Variants in KATNIP observed in about 807,000 individuals in gnomAD.
KATNIP encodes the protein katanin-interacting protein.
In KATNIP, 126 loss-of-function variants were observed where a neutral mutation model predicts 174.0. The ratio of observed to expected loss-of-function variants is 0.72; its 90% CI spans 0.63 to 0.84. The LOEUF (loss-of-function observed/expected upper bound fraction) is 0.84, where lower values mean the gene tolerates loss of function less well. KATNIP is among the 40% of genes least tolerant of loss of function. The pLI is 0.00. For synonymous variants in KATNIP, 810 were observed against 835.7 expected (o/e 0.97, Z 0.53); for missense variants, 1,958 against 2,109.7 (o/e 0.93, Z 1.41).
chr16:27,647,493 C>T (rs778477498), intron 5 of KATNIP, among the ~76,000 whole-genome samples: 2 of 146,186 alleles, frequency 1.4e-5, no homozygotes, highest in Non-Finnish European at 3.0e-5. Flanking sequence ...AGGCACACAC[C>T]ACCACACCTG....
At position 27,637,870 on chromosome 16, in the gene KATNIP, G is replaced by A. The variant is rs1021964074; in HGVS notation, c.408+6708G>A. Among the ~76,000 whole-genome samples, 1 of 152,136 alleles carries A rather than the reference G, an allele frequency of 6.6e-6. No individual in the cohort carries two copies. The highest frequency in any genetic ancestry group is 1.5e-5 in the Non-Finnish European group (1 of 68,012). ...TGGGTTCATGTGTGCAGAAAGGACC[G>A]CCCATGGGAGCAAGGGGCTACAGGA... On this transcript the variant is annotated intron_variant, in intron 5 of 27. Transcript: ENST00000261588. This position sits in a 1 kb window ranked among gnomAD's most constrained non-coding sequence, Gnocchi z 4.7.
rs150197704 is a variant in KATNIP at position 27,776,995 on chromosome 16, C to G, written c.4517C>G (p.Ala1506Gly). The G allele has an allele frequency of 6.2e-7, 1 of 1,613,424 alleles. No individual in the cohort carries two copies. The highest frequency in any genetic ancestry group is 1.7e-5 in the Admixed American group (1 of 60,026). Residue 1506 changes from alanine to glycine, a missense_variant, in exon 25 of 28, where the codon GCG becomes GGG. Physicochemically the swap from Ala to Gly is moderately conservative, Grantham distance 60. Coordinates refer to ENST00000261588, the MANE Select transcript of KATNIP (RefSeq NM_015202.5). The surrounding 1 kb of genome is among the most constrained non-coding windows in gnomAD (Gnocchi z 4.7). Reference sequence around the variant, plus strand: ...TCAATGATCAAACTGTGGAATTATGCGAAAACACCCCATCGAGGGGTGAAG... The same window carrying G: ...TCAATGATCAAACTGTGGAATTATGGGAAAACACCCCATCGAGGGGTGAAG... Reference protein sequence around the residue: ...TVSMIKLWNYAKTPHRGVKEF... With the variant: ...TVSMIKLWNYGKTPHRGVKEF...
rs1597445142 is a variant in KATNIP at position 27,779,772 on chromosome 16, A to T, written c.*1143A>T. ...TGTAACAAGCTCGGATCAGGGACCTAATTGGTTTCCCAGTAGTGGGTAATT... is the reference window on the plus strand; with the variant it reads ...TGTAACAAGCTCGGATCAGGGACCTTATTGGTTTCCCAGTAGTGGGTAATT... On this transcript the variant is annotated 3_prime_UTR_variant, in exon 28 of 28. Coordinates refer to ENST00000261588, the MANE Select transcript of KATNIP (RefSeq NM_015202.5). The T allele has an allele frequency of 6.6e-6, 1 of 152,068 alleles. No individual in the cohort carries two copies. Among genetic ancestry groups the T allele is most frequent in the East Asian group, 1.9e-4 (1 of 5,184 alleles). The allele number at this position is 152,068 out of a possible 1,614,324, so 9.4% of individuals were successfully genotyped here. A position where few individuals can be genotyped will look rare whatever the true frequency, so the allele number is the denominator to read the frequency against.
At chr16:27,712,613 C>T (rs993116552) in intron 13 of KATNIP, among the ~76,000 whole-genome samples, 1 of 152,044 alleles carries the variant, frequency 6.6e-6, no homozygotes, top group Non-Finnish European at 1.5e-5. Context: ...TGTGGGAGTG[C>T]CCCAGCCTCT....
chr16:27,677,598 C>A, intron 6 of KATNIP, 131 bp from the exon 7 acceptor site: 2 of 955,210 alleles, frequency 2.1e-6, no homozygotes, highest in Non-Finnish European at 3.0e-6. Context: ...AGTGACATCA[C>A]AAGGGTTGAG....
intron 13 of KATNIP, 73 bp from the exon 14 acceptor site, chr16:27,721,485 G>A: frequency 1.3e-6 from 2 of 1,584,434 alleles, no homozygotes; most frequent in Non-Finnish European, 1.7e-6. Flanking sequence ...GTGAGCCAAA[G>A]AGCCGCTGCC....
chr16:27,627,223 A>C (rs1048406388), intron 3 of KATNIP, among the ~76,000 whole-genome samples: 1 of 152,234 alleles, frequency 6.6e-6, no homozygotes, highest in African/African-American at 2.4e-5. Context: ...CTCATACTAT[A>C]AACAAGTGTC....
intron 5 of KATNIP, among the ~76,000 whole-genome samples, chr16:27,645,242 C>CCAAA (rs1307672985): frequency 1.3e-5 from 2 of 152,180 alleles, no homozygotes; most frequent in African/African-American, 4.8e-5. Flanking sequence ...GTGCTGTGTG[C>CCAAA]CAAAGCCCCA....
At position 27,628,589 on chromosome 16, in the gene KATNIP, C is replaced by T. The variant is rs2076396951; in HGVS notation, c.141-72C>T. On this transcript the variant is annotated intron_variant, in intron 3 of 27. Transcript: ENST00000261588. ...GCTTCACTGTGGGAACAGCAGTTCA[C>T]TCCTGGCTTGGGGGTACAGCAGCCC... The T allele has an allele frequency of 7.3e-6, 11 of 1,515,722 alleles. No homozygotes were observed. The South Asian group carries it at 1.2e-4, about 17-fold the overall frequency. 93.9% of individuals were successfully genotyped at this position (1,515,722 alleles called of 1,614,324 possible).
intron 8 of KATNIP, among the ~76,000 whole-genome samples, chr16:27,686,073 T>C (rs931082239): frequency 4.0e-5 from 6 of 151,826 alleles, no homozygotes; most frequent in African/African-American, 1.2e-4. Flanking sequence ...AGGGTCAGGG[T>C]TGTAGGGGAA....
chr16:27,589,070 A>AT (rs755208446), intron 2 of KATNIP, among the ~76,000 whole-genome samples: 4,025 of 126,742 alleles, frequency 0.032, 118 homozygotes, highest in Admixed American at 0.11. Flanking sequence ...TAATTTTTGT[A>AT]TTTTTTTTTT....
intron 14 of KATNIP, among the ~76,000 whole-genome samples, chr16:27,737,350 G>T (rs997371602): frequency 2.6e-5 from 4 of 152,024 alleles, no homozygotes; most frequent in African/African-American, 7.3e-5. Context: ...CCACTGTAAC[G>T]CCAGCCTGGG....
intron 6 of KATNIP, among the ~76,000 whole-genome samples, chr16:27,655,052 C>A (rs546886370): frequency 1.4e-4 from 21 of 151,296 alleles, no homozygotes; most frequent in African/African-American, 4.6e-4. Flanking sequence ...TCACTTGAGT[C>A]CAGGAATTCA....
At chr16:27,681,015 A>G (rs2078317799) in intron 7 of KATNIP, among the ~76,000 whole-genome samples, 1 of 152,086 alleles carries the variant, frequency 6.6e-6, no homozygotes, top group Non-Finnish European at 1.5e-5. Context: ...ATTTTTTGCT[A>G]GAGACAGGGT....
At chr16:27,713,848 A>C (rs1222245168) in intron 13 of KATNIP, among the ~76,000 whole-genome samples, 10 of 74,464 alleles carry the variant, frequency 1.3e-4, no homozygotes, top group African/African-American at 4.1e-4. Flanking sequence ...ATATATATAT[A>C]TATATATATC....
At chr16:27,573,648 T>C (rs1290434444) in intron 1 of KATNIP, among the ~76,000 whole-genome samples, 3 of 152,230 alleles carry the variant, frequency 2.0e-5, no homozygotes, top group Non-Finnish European at 2.9e-5. Context: ...GTACAGATAA[T>C]GTTCCAGATT....
intron 13 of KATNIP, among the ~76,000 whole-genome samples, chr16:27,720,066 G>A (rs1309114143): frequency 6.6e-6 from 1 of 152,112 alleles, no homozygotes; most frequent in Non-Finnish European, 1.5e-5. Flanking sequence ...ACAAATACCT[G>A]TGTAAGCCAG....
intron 18 of KATNIP, among the ~76,000 whole-genome samples, chr16:27,759,296 C>G (rs1442093494): frequency 6.6e-6 from 1 of 152,026 alleles, no homozygotes. Context: ...AACAACAAGG[C>G]GAGCAGGGTA....
chr16:27,680,020 T>G (rs1011885596), intron 7 of KATNIP, among the ~76,000 whole-genome samples: 1 of 151,926 alleles, frequency 6.6e-6, no homozygotes, highest in Non-Finnish European at 1.5e-5. Context: ...TTCTTCACAC[T>G]CCCACCACAT....
Sources: allele counts gnomAD v4.1 joint callset (sites outside exome capture counted in the v4.1 genomes callset), GRCh38; gene constraint gnomAD v4.1.1; non-coding constraint Gnocchi (gnomAD v3.1); transcripts MANE v1.5; gene names NCBI Gene and HGNC (gene_info 2026-07-23, HGNC 2026-07-21).